Variants in HS1BP3 observed in about 807,000 individuals in gnomAD.
HS1BP3 encodes the protein HCLS1 binding protein 3.
In HS1BP3, 32 loss-of-function variants were observed where a neutral mutation model predicts 33.5. The observed-to-expected ratio is 0.95, with a 90% CI of 0.72 to 1.28. The LOEUF (loss-of-function observed/expected upper bound fraction) is 1.28. Ranked by LOEUF, HS1BP3 falls within the 50% of genes most tolerant of loss-of-function variation. The probability of loss-of-function intolerance (pLI) is 0.00; values close to 1 mark genes in which losing one functional copy is unlikely to be tolerated. For synonymous variants in HS1BP3, 187 were observed against 209.2 expected, an observed-to-expected ratio of 0.89 and a Z score of 0.92; for missense variants, 486 against 502.3, an observed-to-expected ratio of 0.97 and a Z score of 0.31.
intron 5 of HS1BP3, among the ~76,000 whole-genome samples, chr2:20,584,742 A>G (rs1320627169): frequency 3.3e-5 from 5 of 152,212 alleles, no homozygotes; most frequent in Admixed American, 3.3e-4. Flanking sequence ...GCTCAGGCTC[A>G]GGAATGTGTT....
At chr2:20,582,440 A>T (rs961236460) in intron 5 of HS1BP3, among the ~76,000 whole-genome samples, 19 of 151,632 alleles carry the variant, frequency 1.3e-4, no homozygotes, top group Non-Finnish European at 4.4e-5. Context: ...CCTCTCAGGC[A>T]GCACAGATAA....
intron 5 of HS1BP3, among the ~76,000 whole-genome samples, chr2:20,570,706 A>C (rs1693245635): frequency 6.6e-6 from 1 of 152,208 alleles, no homozygotes; most frequent in Non-Finnish European, 1.5e-5. Flanking sequence ...GGTGTTAGTA[A>C]GATTCTGCTA....
At chr2:20,617,731 TC>T (rs1208562574), downstream of HS1BP3, 2 of 152,328 alleles carry the variant, frequency 1.3e-5, no homozygotes, top group African/African-American at 2.4e-5. Flanking sequence ...TGGTTGCATT[TC>T]CTTTAAAACT....
rs377420361 is a variant in HS1BP3, at chr2:20,608,996, G to A, written c.179-10731C>T. Among the ~76,000 whole-genome samples, 22 of 152,226 alleles carry A rather than the reference G, an allele frequency of 1.4e-4. 1 individual carries two copies. Among genetic ancestry groups the A allele is most frequent in the Admixed American group, 1.1e-3 (17 of 15,288 alleles). On this transcript the variant is annotated intron_variant, in intron 2 of 3. Transcript: ENST00000415264. ...AAAAGCCTAAGAGGTCAGGCTTGCT[G>A]AGAAGAGCTATGTCTGAGCCCGCCT...
At chr2:20,650,159 C>G (rs1015739623) in intron 1 of HS1BP3, among the ~76,000 whole-genome samples, 1 of 152,112 alleles carries the variant, frequency 6.6e-6, no homozygotes, top group African/African-American at 2.4e-5. Context: ...CCTGAAGTCA[C>G]GGGGAATTCC....
intron 6 of HS1BP3, chr2:20,622,105 C>T: frequency 1.9e-6 from 2 of 1,053,982 alleles, no homozygotes; most frequent in Non-Finnish European, 2.5e-6. Flanking sequence ...CCTCGACCCG[C>T]TCAGTGTACA....
downstream of HS1BP3, among the ~76,000 whole-genome samples, chr2:20,615,146 G>A (rs1694397704): frequency 6.6e-6 from 1 of 152,244 alleles, no homozygotes; most frequent in Non-Finnish European, 1.5e-5. Context: ...CCAGTCCACT[G>A]AAATTCCTTC....
At chr2:20,633,072 C>T (rs1175871130) in intron 4 of HS1BP3, among the ~76,000 whole-genome samples, 1 of 152,210 alleles carries the variant, frequency 6.6e-6, no homozygotes, top group African/African-American at 2.4e-5. Context: ...CTCTACTTTA[C>T]CCCTACTCTA....
At chr2:20,639,985 G>C (rs1251182545) in intron 3 of HS1BP3, 1 of 152,274 alleles carries the variant, frequency 6.6e-6, no homozygotes, top group Non-Finnish European at 1.5e-5. Context: ...AGCTTGTCCA[G>C]TCCTAGGCCT....
chr2:20,566,764 G>A (rs1023439176), intron 5 of HS1BP3, among the ~76,000 whole-genome samples: 1 of 151,858 alleles, frequency 6.6e-6, no homozygotes, highest in Admixed American at 6.6e-5. Flanking sequence ...ACACCACCAT[G>A]CCCAGCTAAT....
Position 20,618,965 on chromosome 2 carries a change from G to C in HS1BP3, c.*22C>G. ...ATGTCCCCACAGACAGGCCTGCTGG[G>C]CCAGGGGCCAGCATGGAAGGGTCAG... On this transcript the variant is annotated 3_prime_UTR_variant, in exon 7 of 7. Coordinates refer to ENST00000304031, the MANE Select transcript of HS1BP3 (RefSeq NM_022460.4). 6.2e-7 allele frequency: 1 copy of C among 1,604,888 alleles called. No homozygotes were observed. The highest frequency in any genetic ancestry group is 1.1e-5 in the South Asian group (1 of 90,042).
At position 20,605,343 on chromosome 2, in the gene HS1BP3, G is replaced by C. The variant is rs146368822; in HGVS notation, c.179-7078C>G. ...CATGTCACCCTCACCCCTCATCATC[G>C]ATGACTCCAAGGCCTCGGCCTGGCA... On this transcript the variant is annotated intron_variant, in intron 2 of 3. Transcript: ENST00000415264. Among the ~76,000 whole-genome samples the C allele has an allele frequency of 2.1e-3, 320 of 152,130 alleles. 1 individual carries two copies. Among genetic ancestry groups the C allele is most frequent in the African/African-American group, 7.0e-3 (289 of 41,494 alleles).
At position 20,625,855 on chromosome 2, in the gene HS1BP3, G is replaced by GTGATACTTACAGA. The variant is rs1479816536; in HGVS notation, c.624-964_624-963insTCTGTAAGTATCA. Among the ~76,000 whole-genome samples the GTGATACTTACAGA allele has an allele frequency of 1.2e-4, 18 of 152,304 alleles. No homozygotes were observed. The East Asian group carries it at 3.5e-3, about 29-fold the overall frequency. On this transcript the variant is annotated intron_variant, in intron 4 of 6. Coordinates refer to ENST00000304031, the MANE Select transcript of HS1BP3 (RefSeq NM_022460.4). ...ATGGAGCTGAATGCTCAGGATCTGT[G>GTGATACTTACAGA]TACGTCACTGTAAGTGATACCGCCA...
chr2:20,608,128 A>G (rs1694237615), intron 2 of HS1BP3, among the ~76,000 whole-genome samples: 1 of 152,196 alleles, frequency 6.6e-6, no homozygotes, highest in Admixed American at 6.5e-5. Context: ...TAGCTATAAT[A>G]GTTTTTTTGT....
At chr2:20,637,231 G>C (rs529365912) in intron 4 of HS1BP3, 1 of 152,398 alleles carries the variant, frequency 6.6e-6, no homozygotes, top group South Asian at 2.1e-4. Flanking sequence ...TCTCGGTTTG[G>C]CACTACGTGT....
intron 5 of HS1BP3, among the ~76,000 whole-genome samples, chr2:20,567,966 G>T (rs1042776904): frequency 6.6e-6 from 1 of 152,146 alleles, no homozygotes; most frequent in Non-Finnish European, 1.5e-5. Context: ...TGAACAGTCA[G>T]TCCCCTAGGA....
downstream of HS1BP3, among the ~76,000 whole-genome samples, chr2:20,556,501 T>C (rs1414344146): frequency 2.6e-5 from 4 of 152,254 alleles, no homozygotes; most frequent in Non-Finnish European, 5.9e-5. Flanking sequence ...TTAACTTCTT[T>C]TATATGATCA....
chr2:20,565,512 C>T (rs1189763939), intron 5 of HS1BP3, among the ~76,000 whole-genome samples: 1 of 152,230 alleles, frequency 6.6e-6, no homozygotes, highest in Non-Finnish European at 1.5e-5. Flanking sequence ...CAGGGATACC[C>T]AGGAGATCTC....
chr2:20,580,094 CCCCAA>C (rs1217294095), intron 5 of HS1BP3, among the ~76,000 whole-genome samples: 1 of 152,272 alleles, frequency 6.6e-6, no homozygotes, highest in East Asian at 1.9e-4. Flanking sequence ...AGGGACACAG[CCCCAA>C]GGGGGCAAGG....
Sources: allele counts gnomAD v4.1 joint callset (sites outside exome capture counted in the v4.1 genomes callset), GRCh38; gene constraint gnomAD v4.1.1; transcripts MANE v1.5; gene names NCBI Gene and HGNC (gene_info 2026-07-23, HGNC 2026-07-21).